NTRK3: variants seen among roughly 807,000 people sequenced by gnomAD.
The protein encoded by NTRK3 is NT-3 growth factor receptor.
Under a neutral mutation model 91.7 loss-of-function variants are expected in NTRK3, and 24 were observed. That is an observed-to-expected ratio of 0.26 (90% confidence interval 0.19 to 0.37). NTRK3 has a LOEUF of 0.37. Among genes scored for constraint, NTRK3 ranks in the 10% least tolerant of loss-of-function variants. The pLI, the probability that NTRK3 is intolerant of heterozygous loss-of-function variation, is 1.00. For synonymous variants in NTRK3, 483 were observed against 404.0 expected, an observed-to-expected ratio of 1.20 and a Z score of -2.34; for missense variants, 880 against 1,068.9, an observed-to-expected ratio of 0.82 and a Z score of 2.46.
chr15:87,939,998 T>G (rs1697912574), intron 15 of NTRK3, among the ~76,000 whole-genome samples: 1 of 152,216 alleles, frequency 6.6e-6, no homozygotes, highest in African/African-American at 2.4e-5. Context: ...GCCCTGTGGT[T>G]AAGGGAGCCC....
chr15:87,881,604 A>G (rs1056360341), intron 17 of NTRK3, among the ~76,000 whole-genome samples: 8 of 151,954 alleles, frequency 5.3e-5, no homozygotes, highest in African/African-American at 1.9e-4. Context: ...TATTTTTAGT[A>G]GAGACGGGGT....
chr15:87,868,407 A>G, exon 19 of NTRK3: 1 of 223,712 alleles, frequency 4.5e-6, no homozygotes, highest in Non-Finnish European at 8.9e-6. Context: ...CTAAAGAAAT[A>G]CCTAAGAATA....
intron 13 of NTRK3, among the ~76,000 whole-genome samples, chr15:88,057,021 T>G (rs2061711328): frequency 6.7e-6 from 1 of 150,352 alleles, no homozygotes; most frequent in Non-Finnish European, 1.5e-5. Context: ...ATACAAAAAT[T>G]AGCCGGGCAT....
chr15:88,114,849 C>A (rs903324157), intron 13 of NTRK3, among the ~76,000 whole-genome samples: 50 of 152,124 alleles, frequency 3.3e-4, no homozygotes, highest in Non-Finnish European at 2.9e-5. Flanking sequence ...ACATTAAATA[C>A]CTACTTTTAA....
At chr15:88,040,613 A>G (rs945653692) in intron 13 of NTRK3, among the ~76,000 whole-genome samples, 11 of 152,198 alleles carry the variant, frequency 7.2e-5, no homozygotes, top group Admixed American at 1.3e-4. Context: ...CAGCAACTCT[A>G]TGACTTACAG....
chr15:88,099,878 CA>C (rs2049998370), intron 13 of NTRK3, among the ~76,000 whole-genome samples: 1 of 152,248 alleles, frequency 6.6e-6, no homozygotes, highest in Admixed American at 6.5e-5. Context: ...GGACTAGCCC[CA>C]CACACATCTA....
In NTRK3 at chr15:87,937,723, G is replaced by A. The variant is rs193141143; in HGVS notation, c.1716+2900C>T. 1.8e-4 allele frequency among the ~76,000 whole-genome samples: 27 copies of A among 152,180 alleles called. No individual in the cohort carries two copies. In the East Asian group the frequency reaches 5.0e-3, roughly 28 times the overall value. The stretch of plus-strand genomic sequence containing the variant: ...TTTTAAATAAGTAAATGCTCAAAAG[G>A]AGTGAAGAAATACATTTTCTAAAGA... On this transcript the variant is annotated intron_variant, in intron 15 of 18. Transcript: ENST00000394480.
At chr15:87,981,299 T>C in intron 14 of NTRK3, 1 of 1,592,678 alleles carries the variant, frequency 6.3e-7, no homozygotes, top group Non-Finnish European at 8.6e-7. Flanking sequence ...TTGATGGGAC[T>C]AGATGATCTC....
rs1270599433 is a variant in NTRK3 at position 87,860,270 on chromosome 15, C to G, written c.*16665G>C. 2.3e-5 allele frequency: 5 copies of G among 215,332 alleles called. No individual in the cohort carries two copies. The East Asian group carries it at 3.4e-4, about 15-fold the overall frequency. 13.3% of individuals were successfully genotyped at this position (215,332 alleles called of 1,614,324 possible). On this transcript the variant is annotated 3_prime_UTR_variant, in exon 19 of 19. Coordinates refer to ENST00000394480, the Ensembl canonical transcript of NTRK3. Reference sequence around the variant, plus strand: ...AGGACATGCACAATGGGAGAAACAACCTTTGGTGATACCATTAAATCATCC... The same window carrying G: ...AGGACATGCACAATGGGAGAAACAAGCTTTGGTGATACCATTAAATCATCC...
chr15:87,974,051 T>A (rs991038814), intron 14 of NTRK3, among the ~76,000 whole-genome samples: 1 of 152,160 alleles, frequency 6.6e-6, no homozygotes, highest in Non-Finnish European at 1.5e-5. Flanking sequence ...TCCCGCGGCA[T>A]CCAACCCTCC....
exon 9 of NTRK3, chr15:88,135,939 C>A (rs2041836012): frequency 6.2e-7 from 1 of 1,614,244 alleles, no homozygotes; most frequent in South Asian, 1.1e-5. Context: ...TCATGCCCAC[C>A]ACGTTCTCTG....
At chr15:88,031,635 G>A (rs918431342) in intron 14 of NTRK3, among the ~76,000 whole-genome samples, 2 of 152,168 alleles carry the variant, frequency 1.3e-5, no homozygotes, top group Non-Finnish European at 2.9e-5. Flanking sequence ...GAACACCCAA[G>A]GTTAGGAGGC....
exon 16 of NTRK3, chr15:87,933,094 A>T (rs763974843): frequency 6.2e-7 from 1 of 1,614,080 alleles, no homozygotes; most frequent in Non-Finnish European, 8.5e-7. Context: ...ACTCCATAGA[A>T]CTTGACAATG....
chr15:87,989,918 T>C (rs1247382579), intron 14 of NTRK3, among the ~76,000 whole-genome samples: 1 of 152,202 alleles, frequency 6.6e-6, no homozygotes, highest in Non-Finnish European at 1.5e-5. Context: ...TGTTTCAAGA[T>C]TTTTCACTTT....
chr15:87,870,836 C>T (rs2064810698), exon 19 of NTRK3: 1 of 224,830 alleles, frequency 4.4e-6, no homozygotes, highest in Non-Finnish European at 8.9e-6. Context: ...GATACATCTT[C>T]TATTAGAAAC....
At chr15:87,896,844 C>G (rs79002067) in intron 17 of NTRK3, among the ~76,000 whole-genome samples, 1 of 152,172 alleles carries the variant, frequency 6.6e-6, no homozygotes, top group East Asian at 1.9e-4. Context: ...TGCTTGCCTT[C>G]TTTTTGCCTC....
At chr15:88,055,055 C>A (rs1049271738) in intron 13 of NTRK3, among the ~76,000 whole-genome samples, 14 of 152,156 alleles carry the variant, frequency 9.2e-5, no homozygotes, top group Non-Finnish European at 2.1e-4. Context: ...AAGCCATGAA[C>A]TGGCAGAGGG....
intron 14 of NTRK3, among the ~76,000 whole-genome samples, chr15:88,014,876 C>T (rs542949040): frequency 1.3e-3 from 202 of 152,306 alleles, no homozygotes; most frequent in South Asian, 0.012. Context: ...GAAATATGCA[C>T]AACAAATCAA....
At chr15:87,945,481 T>C (rs2070369200) in intron 14 of NTRK3, among the ~76,000 whole-genome samples, 1 of 152,190 alleles carries the variant, frequency 6.6e-6, no homozygotes, top group African/African-American at 2.4e-5. Context: ...TAGAGCAGAA[T>C]CTCTAATCCA....
Sources: allele counts gnomAD v4.1 joint callset (sites outside exome capture counted in the v4.1 genomes callset), GRCh38; gene constraint gnomAD v4.1.1; transcripts MANE v1.5; gene names NCBI Gene and HGNC (gene_info 2026-07-23, HGNC 2026-07-21).